The following PTPRN2 variants were observed in gnomAD, a reference collection of about 807,000 sequenced individuals.
PTPRN2 encodes receptor-type tyrosine-protein phosphatase N2.
In PTPRN2, 74 loss-of-function variants were observed where a neutral mutation model predicts 118.8. The ratio of observed to expected loss-of-function variants is 0.62; its 90% confidence interval spans 0.52 to 0.76. The LOEUF is 0.76. PTPRN2 is among the 30% of genes least tolerant of loss of function. The pLI is 0.00. For synonymous variants in PTPRN2, 641 were observed against 608.0 expected (o/e 1.05, Z -0.80); for missense variants, 1,481 against 1,394.4 (o/e 1.06, Z -0.99).
chr7:158,547,197 CTT>C (rs1190964833), intron 1 of PTPRN2, among the ~76,000 whole-genome samples: 1 of 152,100 alleles, frequency 6.6e-6, no homozygotes, highest in East Asian at 1.9e-4. Flanking sequence ...AATTTACTAT[CTT>C]ATCAGTTTTA....
At chr7:158,127,082 C>G (rs1313723686) in intron 9 of PTPRN2, among the ~76,000 whole-genome samples, 1 of 152,198 alleles carries the variant, frequency 6.6e-6, no homozygotes, top group Non-Finnish European at 1.5e-5. Flanking sequence ...AGCTGTCTCC[C>G]TTGTTAGCAT....
At position 158,436,306 on chromosome 7, in the gene PTPRN2, C is replaced by T. The variant is rs536180786; in HGVS notation, c.163+53429G>A. ...GCCAGAAGCCCCTGCAGTCTTTTCC[C>T]AAGAGTCATCTGTTGATGGAGTCTC... On this transcript the variant is annotated intron_variant, in intron 2 of 22. Transcript: ENST00000389418. 7.1e-4 allele frequency among the ~76,000 whole-genome samples: 108 copies of T among 152,270 alleles called. 1 individual carries two copies. The highest frequency in any genetic ancestry group is 5.1e-3 in the Admixed American group (78 of 15,290).
At chr7:158,078,989 A>G (rs1172715665) in intron 11 of PTPRN2, among the ~76,000 whole-genome samples, 1 of 152,076 alleles carries the variant, frequency 6.6e-6, no homozygotes, top group Non-Finnish European at 1.5e-5. Context: ...CTGAGGTTTG[A>G]GCCACCACAC....
intron 12 of PTPRN2, among the ~76,000 whole-genome samples, chr7:157,754,495 C>T (rs1303959539): frequency 6.6e-6 from 1 of 152,246 alleles, no homozygotes; most frequent in Non-Finnish European, 1.5e-5. Flanking sequence ...CCCTGTCCCC[C>T]CTTGGCTGTG....
chr7:158,382,993 G>C (rs1811073772), intron 2 of PTPRN2, among the ~76,000 whole-genome samples: 1 of 152,118 alleles, frequency 6.6e-6, no homozygotes, highest in Non-Finnish European at 1.5e-5. Flanking sequence ...GCTGGTCCCT[G>C]GTGCCAAAAA....
At chr7:158,402,041 C>T (rs926113419) in intron 2 of PTPRN2, among the ~76,000 whole-genome samples, 12 of 152,046 alleles carry the variant, frequency 7.9e-5, no homozygotes, top group African/African-American at 2.2e-4. Context: ...GGGGTCTGAC[C>T]GGTGCCCAGC....
chr7:158,117,690 A>G (rs1585494294), intron 9 of PTPRN2, among the ~76,000 whole-genome samples: 1 of 152,342 alleles, frequency 6.6e-6, no homozygotes, highest in East Asian at 1.9e-4. Flanking sequence ...GAAGCAGTTC[A>G]TCACACACCA....
intron 16 of PTPRN2, among the ~76,000 whole-genome samples, chr7:157,601,006 C>T (rs12698091): frequency 0.011 from 1,626 of 152,280 alleles, 16 homozygotes; most frequent in Non-Finnish European, 0.016. Flanking sequence ...AGTTTTTACA[C>T]GTCACTGGGA....
At chr7:158,059,454 C>G (rs1403273689) in intron 11 of PTPRN2, among the ~76,000 whole-genome samples, 1 of 125,206 alleles carries the variant, frequency 8.0e-6, no homozygotes, top group Non-Finnish European at 1.6e-5. Flanking sequence ...ACTGCAGCCA[C>G]ACTCCATCTG....
chr7:158,556,718 G>A (rs1205158411), intron 1 of PTPRN2, among the ~76,000 whole-genome samples: 1 of 143,894 alleles, frequency 6.9e-6, no homozygotes, highest in South Asian at 2.3e-4. Context: ...ACGGCTCCCG[G>A]GCAGGTCAGG....
intron 10 of PTPRN2, among the ~76,000 whole-genome samples, chr7:158,104,324 C>T (rs1585448886): frequency 1.3e-5 from 2 of 152,106 alleles, no homozygotes; most frequent in Non-Finnish European, 2.9e-5. Context: ...CTCAAAGACT[C>T]CTGAGAAAGG....
intron 22 of PTPRN2, among the ~76,000 whole-genome samples, chr7:157,547,502 G>C (rs1487119082): frequency 7.9e-5 from 12 of 152,042 alleles, no homozygotes; most frequent in African/African-American, 2.9e-4. Flanking sequence ...CAAAGCTCAT[G>C]AGAACTTTTT....
chr7:157,655,054 G>C lies in PTPRN2; in HGVS notation c.2196+1303C>G, dbSNP rs1805977264. On this transcript the variant is annotated intron_variant, in intron 14 of 22. Transcript: ENST00000389418. Reference sequence around the variant, plus strand: ...GGAGGTTCTGCCAAAGTCGATGACAGGTCTGCCGAGTGAACTCCACGAGCT... The same window carrying C: ...GGAGGTTCTGCCAAAGTCGATGACACGTCTGCCGAGTGAACTCCACGAGCT... 3.3e-5 allele frequency among the ~76,000 whole-genome samples: 5 copies of C among 152,246 alleles called. No homozygotes were observed. The South Asian group carries it at 1.0e-3, about 32-fold the overall frequency.
At chr7:157,663,099 G>A (rs1415916699) in intron 13 of PTPRN2, among the ~76,000 whole-genome samples, 3 of 151,860 alleles carry the variant, frequency 2.0e-5, no homozygotes, top group Non-Finnish European at 2.9e-5. Flanking sequence ...CTGCTTGGCC[G>A]CGAAGCCACT....
chr7:158,435,716 T>G (rs571551305), intron 2 of PTPRN2, among the ~76,000 whole-genome samples: 2 of 152,148 alleles, frequency 1.3e-5, no homozygotes, highest in African/African-American at 4.8e-5. Flanking sequence ...ATGTGGTATA[T>G]CTAGACAATG....
At chr7:158,492,473 G>A (rs1821531520) in intron 1 of PTPRN2, among the ~76,000 whole-genome samples, 1 of 152,206 alleles carries the variant, frequency 6.6e-6, no homozygotes, top group Admixed American at 6.5e-5. Flanking sequence ...TGAATGAGAT[G>A]TGCATCAAAT....
intron 11 of PTPRN2, among the ~76,000 whole-genome samples, chr7:158,073,106 T>C (rs1353383958): frequency 6.6e-6 from 1 of 152,130 alleles, no homozygotes; most frequent in Non-Finnish European, 1.5e-5. Flanking sequence ...CCCAGCACCA[T>C]CTTTGCACTC....
chr7:158,484,853 G>A (rs890514095), intron 2 of PTPRN2, among the ~76,000 whole-genome samples: 1 of 152,186 alleles, frequency 6.6e-6, no homozygotes, highest in Non-Finnish European at 1.5e-5. Flanking sequence ...CCTCTTCAGT[G>A]GAGAAAGGGC....
At chr7:157,714,419 GCAGCTCT>G (rs1475035164) in intron 12 of PTPRN2, among the ~76,000 whole-genome samples, 3 of 152,188 alleles carry the variant, frequency 2.0e-5, no homozygotes, top group Non-Finnish European at 4.4e-5. Flanking sequence ...GTCTTTCCCG[GCAGCTCT>G]GCTTGGCAGA....
Sources: gnomAD v4.1 joint callset for allele counts (sites outside exome capture counted in the v4.1 genomes callset) on GRCh38, gnomAD v4.1.1 for gene constraint, MANE v1.5 for transcripts, NCBI Gene and HGNC (gene_info 2026-07-23, HGNC 2026-07-21) for gene names.